The following MKLN1 variants were observed in gnomAD, a reference collection of about 807,000 sequenced individuals.
The protein encoded by MKLN1 is muskelin 1, also known as muskelin.
MKLN1 carries 18 observed loss-of-function variants against 99.0 expected under a neutral mutation model. The ratio of observed to expected loss-of-function variants is 0.18; its 90% CI spans 0.13 to 0.27. MKLN1 has a LOEUF of 0.27. Ranked by LOEUF, MKLN1 falls within the 10% of genes least tolerant of loss-of-function variation. MKLN1 has a pLI of 1.00. For missense variants in MKLN1, 621 were observed against 875.9 expected (o/e 0.71, Z 3.67); for synonymous variants, 288 against 293.2 (o/e 0.98, Z 0.18).
chr7:131,268,155 G>A (rs1266293834), intron 3 of MKLN1, among the ~76,000 whole-genome samples: 1 of 152,174 alleles, frequency 6.6e-6, no homozygotes. Flanking sequence ...AATGTCCAGA[G>A]GAGACAGTGA....
chr7:131,449,081 T>C (rs1796102914), intron 12 of MKLN1, among the ~76,000 whole-genome samples: 2 of 152,194 alleles, frequency 1.3e-5, no homozygotes, highest in South Asian at 4.2e-4. Context: ...GGAAGTCTCA[T>C]TTAAACAGAG....
At chr7:131,444,827 G>A (rs948075381) in intron 11 of MKLN1, among the ~76,000 whole-genome samples, 2 of 149,084 alleles carry the variant, frequency 1.3e-5, no homozygotes, top group African/African-American at 2.5e-5. Flanking sequence ...TAGTAGAAGT[G>A]GAAGTGGAAG....
intron 8 of MKLN1, among the ~76,000 whole-genome samples, chr7:131,416,587 G>C (rs1488013124): frequency 6.6e-6 from 1 of 150,514 alleles, no homozygotes; most frequent in Non-Finnish European, 1.5e-5. Context: ...GTGGCGCAAA[G>C]GCCTAGATAT....
intron 3 of MKLN1, among the ~76,000 whole-genome samples, chr7:131,211,382 A>G (rs1796903945): frequency 6.6e-6 from 1 of 152,168 alleles, no homozygotes; most frequent in South Asian, 2.1e-4. Context: ...CATCAGAAAC[A>G]TCTATTGATT....
At chr7:131,155,901 G>A (rs761694408) in intron 2 of MKLN1, among the ~76,000 whole-genome samples, 1 of 152,162 alleles carries the variant, frequency 6.6e-6, no homozygotes, top group Non-Finnish European at 1.5e-5. Context: ...AATAATTGTC[G>A]TGTTAGGGAA....
intron 3 of MKLN1, among the ~76,000 whole-genome samples, chr7:131,213,105 A>G (rs1796931219): frequency 6.6e-6 from 1 of 152,080 alleles, no homozygotes; most frequent in Non-Finnish European, 1.5e-5. Flanking sequence ...TGGAAGTTGC[A>G]ATACGTGATT....
upstream of MKLN1, among the ~76,000 whole-genome samples, chr7:131,325,099 A>G (rs932591409): frequency 1.3e-5 from 2 of 151,962 alleles, no homozygotes; most frequent in African/African-American, 4.8e-5. Context: ...TTTTAGCATT[A>G]TTCATTCACT....
intron 2 of MKLN1, among the ~76,000 whole-genome samples, chr7:131,184,656 C>G (rs1796423810): frequency 6.6e-6 from 1 of 152,012 alleles, no homozygotes; most frequent in South Asian, 2.1e-4. Context: ...TCCCAAGTAG[C>G]TGGGATTACA....
At chr7:131,408,824 A>G (rs2116311682) in intron 6 of MKLN1, among the ~76,000 whole-genome samples, 1 of 152,318 alleles carries the variant, frequency 6.6e-6, no homozygotes, top group African/African-American at 2.4e-5. Flanking sequence ...GTGCTCAGTG[A>G]GGACTGTATG....
At chr7:131,210,544 A>T (rs1242234324) in intron 3 of MKLN1, among the ~76,000 whole-genome samples, 1 of 146,606 alleles carries the variant, frequency 6.8e-6, no homozygotes, top group Non-Finnish European at 1.5e-5. Flanking sequence ...AAAAATAAAC[A>T]TACAAAAAAT....
At chr7:131,368,174 G>A (rs117479867) in intron 1 of MKLN1, among the ~76,000 whole-genome samples, 1,557 of 152,298 alleles carry the variant, frequency 0.01, 16 homozygotes, top group Non-Finnish European at 0.018. Context: ...CAGGAGAGTG[G>A]AAATGGGTGG....
intron 3 of MKLN1, among the ~76,000 whole-genome samples, chr7:131,218,124 G>C (rs1797010971): frequency 6.6e-6 from 1 of 152,186 alleles, no homozygotes; most frequent in Non-Finnish European, 1.5e-5. Flanking sequence ...CAGTTCTCGG[G>C]TGCAGGTTAT....
chr7:131,155,639 A>C (rs998896891), intron 2 of MKLN1, among the ~76,000 whole-genome samples: 3 of 152,192 alleles, frequency 2.0e-5, no homozygotes, highest in Non-Finnish European at 4.4e-5. Flanking sequence ...CATGATTATG[A>C]AAGAAAAAAA....
intron 2 of MKLN1, among the ~76,000 whole-genome samples, chr7:131,180,733 A>G (rs986498897): frequency 2.6e-5 from 4 of 151,872 alleles, no homozygotes; most frequent in African/African-American, 9.7e-5. Context: ...AGAAAGCTGT[A>G]TAACTTTTAC....
intron 2 of MKLN1, among the ~76,000 whole-genome samples, chr7:131,150,121 GA>G (rs2116282684): frequency 6.6e-6 from 1 of 152,128 alleles, no homozygotes; most frequent in South Asian, 2.1e-4. Flanking sequence ...CCTTTGAACT[GA>G]TTTGACATCC....
chr7:131,258,965 T>C (rs576974205), intron 3 of MKLN1, among the ~76,000 whole-genome samples: 2 of 152,268 alleles, frequency 1.3e-5, no homozygotes, highest in East Asian at 1.9e-4. Flanking sequence ...TTCAGTGTGA[T>C]TAAGCAGCTT....
At chr7:131,388,733 A>T in intron 3 of MKLN1, 151 bp from the exon 4 acceptor site, 1 of 542,168 alleles carries the variant, frequency 1.8e-6, no homozygotes, top group Middle Eastern at 4.9e-4. Context: ...TTTGACCTAT[A>T]TGCCCATGTT....
chr7:131,399,566 ATC>A (rs1794470748), intron 6 of MKLN1, 133 bp downstream of exon 6: 1 of 700,582 alleles, frequency 1.4e-6, no homozygotes, highest in African/African-American at 1.8e-5. Flanking sequence ...AAAGATTGTT[ATC>A]TCTTTGGATT....
At position 131,471,060 on chromosome 7, in the gene MKLN1, A is replaced by C. The variant is rs913727775; in HGVS notation, c.2031+116A>C. ...AGGAAAACGAAGAAAATATGATGAC[A>C]TCAGTAATCTTTAAAATGTCACAGA... On this transcript the variant is annotated intron_variant, in intron 16 of 17. Coordinates refer to ENST00000352689, the MANE Select transcript of MKLN1 (RefSeq NM_013255.5). 25 of 650,270 alleles carry C rather than the reference A, an allele frequency of 3.8e-5. No individual in the cohort carries two copies. In the African/African-American group the frequency reaches 3.9e-4, roughly 10 times the overall value. 40.3% of individuals were successfully genotyped at this position (650,270 alleles called of 1,614,324 possible). A position where few individuals can be genotyped will look rare whatever the true frequency, so the allele number is the denominator to read the frequency against.
Sources: gnomAD v4.1 joint callset for allele counts (sites outside exome capture counted in the v4.1 genomes callset) on GRCh38, gnomAD v4.1.1 for gene constraint, MANE v1.5 for transcripts, NCBI Gene and HGNC (gene_info 2026-07-23, HGNC 2026-07-21) for gene names.